Variants in ALG8 observed in about 807,000 individuals in gnomAD.
ALG8 encodes the protein ALG8 alpha-1,3-glucosyltransferase.
In ALG8, 48 loss-of-function variants were observed where a neutral mutation model predicts 70.2. That is an observed-to-expected ratio of 0.68 (90% confidence interval 0.54 to 0.87). The LOEUF (loss-of-function observed/expected upper bound fraction) is 0.87, where lower values mean the gene tolerates loss of function less well. Among genes scored for constraint, ALG8 ranks in the 40% least tolerant of loss-of-function variants. ALG8 has a pLI of 0.00. For synonymous variants in ALG8, 234 were observed against 229.0 expected (o/e 1.02, Z -0.20); for missense variants, 572 against 608.7 (o/e 0.94, Z 0.64).
intron 3 of ALG8, among the ~76,000 whole-genome samples, chr11:78,122,055 CAT>C: frequency 6.6e-6 from 1 of 152,148 alleles, no homozygotes; most frequent in Admixed American, 6.5e-5. Context: ...TTTTACTTTG[CAT>C]GTGTGTGTGC....
At chr11:78,139,296 C>T (rs781689392) in intron 1 of ALG8, 198 bp downstream of exon 1, 16 of 614,276 alleles carry the variant, frequency 2.6e-5, no homozygotes, top group Non-Finnish European at 4.6e-5. Flanking sequence ...CCAAATCAGA[C>T]AGCGCCAGGT....
intron 1 of ALG8, chr11:78,137,139 G>A (rs931653056): frequency 6.6e-6 from 1 of 152,042 alleles, no homozygotes; most frequent in Admixed American, 6.5e-5. Flanking sequence ...TTGGCCTACC[G>A]AAGTGCTGGG....
At position 78,121,053 on chromosome 11, in the gene ALG8, T is replaced by C; in HGVS notation, c.478+12A>G. 6.3e-7 allele frequency: 1 copy of C among 1,583,044 alleles called. No homozygotes were observed. Among genetic ancestry groups the C allele is most frequent in the Non-Finnish European group, 8.7e-7 (1 of 1,152,098 alleles). On this transcript the variant is annotated intron_variant, in intron 4 of 12. Transcript: ENST00000299626. Reference sequence around the variant, plus strand: ...ATTAGTAAGGGAATAGTACATAGAATATCAAGGATACGGTCCACAATTAAT... The same window carrying C: ...ATTAGTAAGGGAATAGTACATAGAACATCAAGGATACGGTCCACAATTAAT...
rs568270331 is a variant in ALG8, at chr11:78,136,510, C to T, written c.95+2984G>A. The stretch of plus-strand genomic sequence containing the variant: ...CATGATGGTGCCGCTGTACTTCACC[C>T]TGGGAGATAGAGCGAGACCCTGCCT... On this transcript the variant is annotated intron_variant, in intron 1 of 12. Coordinates refer to ENST00000299626, the MANE Select transcript of ALG8 (RefSeq NM_024079.5). 6.6e-5 allele frequency among the ~76,000 whole-genome samples: 10 copies of T among 152,154 alleles called. No individual in the cohort carries two copies. The South Asian group carries it at 1.2e-3, about 19-fold the overall frequency.
At chr11:78,136,537 T>C (rs1861561035) in intron 1 of ALG8, among the ~76,000 whole-genome samples, 1 of 151,754 alleles carries the variant, frequency 6.6e-6, no homozygotes, top group African/African-American at 2.4e-5. Context: ...ACCCTGCCTC[T>C]AGAAAAAAAA....
At chr11:78,130,361 A>AAAAAAAAAAAAGAAAAGAAAAGAAAG (rs928560857) in intron 1 of ALG8, among the ~76,000 whole-genome samples, 5 of 132,696 alleles carry the variant, frequency 3.8e-5, no homozygotes, top group South Asian at 2.4e-4. Flanking sequence ...AAAAAAAAAA[A>AAAAAAAAAAAAGAAAAGAAAAGAAAG]AAAAAAGGTG....
intron 2 of ALG8, among the ~76,000 whole-genome samples, chr11:78,126,114 G>A (rs758378166): frequency 2.0e-5 from 3 of 151,908 alleles, no homozygotes; most frequent in South Asian, 2.1e-4. Context: ...AGCAGAGATC[G>A]CGCCACTGCA....
At position 78,126,984 on chromosome 11, in the gene ALG8, ATTTT is replaced by A. The variant is rs35548230; in HGVS notation, c.174+370_174+373del. Among the ~76,000 whole-genome samples the A allele has an allele frequency of 4.9e-3, 733 of 148,632 alleles. 6 individuals are homozygous for A. Among genetic ancestry groups the A allele is most frequent in the African/African-American group, 0.017 (709 of 40,870 alleles). ...TAATTAGATCTATGATTGCAAGAAAATTTTTTTTTTTTTGAGACAGAGTCTCACT... is the reference window on the plus strand; with the variant it reads ...TAATTAGATCTATGATTGCAAGAAAATTTTTTTTTGAGACAGAGTCTCACT... On this transcript the variant is annotated intron_variant, in intron 2 of 12. Coordinates refer to ENST00000299626, the MANE Select transcript of ALG8 (RefSeq NM_024079.5).
At chr11:78,104,155 A>G in intron 11 of ALG8, 103 bp from the exon 12 acceptor site, 1 of 899,038 alleles carries the variant, frequency 1.1e-6, no homozygotes, top group East Asian at 2.6e-5. Flanking sequence ...TAGTGCTAAT[A>G]ATACTTTTTA....
chr11:78,105,388 T>C (rs953129728), intron 10 of ALG8, among the ~76,000 whole-genome samples: 5 of 152,190 alleles, frequency 3.3e-5, no homozygotes, highest in African/African-American at 1.2e-4. Flanking sequence ...TTTTTTAGCA[T>C]GGCATAGTGA....
At chr11:78,114,195 C>T in intron 6 of ALG8, 71 bp downstream of exon 6, 1 of 1,596,710 alleles carries the variant, frequency 6.3e-7, no homozygotes, top group South Asian at 1.1e-5. Flanking sequence ...ACCTTCTTAT[C>T]AAGCAAGCCA....
chr11:78,114,188 T>A (rs1860451509), intron 6 of ALG8, 78 bp downstream of exon 6: 1 of 1,588,466 alleles, frequency 6.3e-7, no homozygotes, highest in Admixed American at 1.7e-5. Context: ...TCATAAAACC[T>A]TCTTATCAAG....
At chr11:78,101,663 AATG>A (rs1428781091) in intron 12 of ALG8, among the ~76,000 whole-genome samples, 2 of 152,154 alleles carry the variant, frequency 1.3e-5, no homozygotes, top group African/African-American at 2.4e-5. Context: ...TTTAGAAAAA[AATG>A]ATAATTATAT....
At position 78,109,217 on chromosome 11, in the gene ALG8, AAC is replaced by A. The variant is rs549828664; in HGVS notation, c.1038+223_1038+224del. 5.6e-3 allele frequency among the ~76,000 whole-genome samples: 855 copies of A among 152,280 alleles called. 6 individuals are homozygous for A. Among genetic ancestry groups the A allele is most frequent in the African/African-American group, 0.019 (810 of 41,552 alleles). ...CTTCCCCCGGGTGAACAGATGGTCT[AAC>A]AGCCACTGGCAAGAATCTCTCACAA... On this transcript the variant is annotated intron_variant, in intron 9 of 12. Coordinates refer to ENST00000299626, the MANE Select transcript of ALG8 (RefSeq NM_024079.5).
chr11:78,103,994 C>G lies in ALG8; in HGVS notation c.1335G>C (p.Leu445=), dbSNP rs1565343435. ...LLFTIYSISS[L]KTLFRKEKPL... is the part of the protein sequence containing the mutation. Reference sequence around the variant, plus strand: ...TTTTTGATTACCTGAATAAAGTCTTCAGTGACGAAATACTATATATGGTGA... The same window carrying G: ...TTTTTGATTACCTGAATAAAGTCTTGAGTGACGAAATACTATATATGGTGA... Residue 445 remains leucine, a synonymous_variant, in exon 12 of 13, where the codon CTG becomes CTC. Transcript: ENST00000299626. 4 of 1,492,096 alleles carry G rather than the reference C, an allele frequency of 2.7e-6. No individual in the cohort carries two copies. Among genetic ancestry groups the G allele is most frequent in the Non-Finnish European group, 3.7e-6 (4 of 1,074,588 alleles). The allele number at this position is 1,492,096 out of a possible 1,614,324, so 92.4% of individuals were successfully genotyped here. A position where few individuals can be genotyped will look rare whatever the true frequency, so the allele number is the denominator to read the frequency against.
rs1345670580 is a variant in ALG8 at position 78,108,429 on chromosome 11, CA to C, written c.1038+1012del. 1.7e-4 allele frequency among the ~76,000 whole-genome samples: 24 copies of C among 144,720 alleles called. No homozygotes were observed. The South Asian group carries it at 3.7e-3, about 22-fold the overall frequency. The allele number at this position is 144,720 out of a possible 152,430, so 94.9% of individuals were successfully genotyped here. ...TGGATGACGGAGTGAGACTCTGTCT[CA>C]AAAAAAAAAGAAATTAATTATACTA... On this transcript the variant is annotated intron_variant, in intron 9 of 12. Coordinates refer to ENST00000299626, the MANE Select transcript of ALG8 (RefSeq NM_024079.5).
At chr11:78,114,975 C>T (rs1156990951) in intron 5 of ALG8, among the ~76,000 whole-genome samples, 1 of 151,920 alleles carries the variant, frequency 6.6e-6, no homozygotes, top group Non-Finnish European at 1.5e-5. Context: ...GACCCTGTCT[C>T]CAAAATGAAT....
intron 1 of ALG8, among the ~76,000 whole-genome samples, chr11:78,131,693 C>G (rs910741537): frequency 2.6e-5 from 4 of 152,088 alleles, no homozygotes; most frequent in African/African-American, 7.2e-5. Context: ...CCCAAACTCC[C>G]AAGCTCAAGC....
chr11:78,125,466 C>T (rs994501086), intron 2 of ALG8, among the ~76,000 whole-genome samples: 1 of 151,022 alleles, frequency 6.6e-6, no homozygotes, highest in Non-Finnish European at 1.5e-5. Flanking sequence ...AAAAATTTGC[C>T]TTAAAAAAAA....
Sources: allele counts gnomAD v4.1 joint callset (sites outside exome capture counted in the v4.1 genomes callset), GRCh38; gene constraint gnomAD v4.1.1; transcripts MANE v1.5; gene names NCBI Gene and HGNC (gene_info 2026-07-23, HGNC 2026-07-21).